Variants in SLC16A9 observed in about 807,000 individuals in gnomAD.
SLC16A9 encodes solute carrier family 16 member 9, also known as monocarboxylate transporter 9.
Under a neutral mutation model 44.3 loss-of-function variants are expected in SLC16A9, and 26 were observed. The observed-to-expected ratio is 0.59, with a 90% confidence interval of 0.43 to 0.81. The LOEUF (loss-of-function observed/expected upper bound fraction) is 0.81. SLC16A9 is among the 40% of genes least tolerant of loss of function. The pLI is 0.00. For missense variants in SLC16A9, 559 were observed against 595.8 expected, an observed-to-expected ratio of 0.94 and a Z score of 0.64; for synonymous variants, 230 against 225.1, an observed-to-expected ratio of 1.02 and a Z score of -0.19.
intron 3 of SLC16A9, among the ~76,000 whole-genome samples, chr10:59,672,012 T>C (rs971666178): frequency 6.6e-6 from 1 of 152,168 alleles, no homozygotes; most frequent in African/African-American, 2.4e-5. Flanking sequence ...GGAATATTGG[T>C]AGTCAATAAA....
At chr10:59,677,002 A>G (rs1839874177) in intron 2 of SLC16A9, among the ~76,000 whole-genome samples, 1 of 149,784 alleles carries the variant, frequency 6.7e-6, no homozygotes, top group East Asian at 1.9e-4. Flanking sequence ...TAAATAAGCT[A>G]ATAGTGAGAA....
intron 4 of SLC16A9, among the ~76,000 whole-genome samples, chr10:59,663,652 A>G (rs542679627): frequency 6.6e-6 from 1 of 152,068 alleles, no homozygotes; most frequent in Non-Finnish European, 1.5e-5. Flanking sequence ...AGAAATACCT[A>G]ATGTAGATCA....
intron 4 of SLC16A9, among the ~76,000 whole-genome samples, chr10:59,657,514 G>A (rs995935627): frequency 6.6e-6 from 1 of 152,060 alleles, no homozygotes; most frequent in Non-Finnish European, 1.5e-5. Context: ...CCTTCACCTA[G>A]CTCCCTGTGA....
At chr10:59,694,612 C>T (rs1840328049) in intron 1 of SLC16A9, among the ~76,000 whole-genome samples, 1 of 151,040 alleles carries the variant, frequency 6.6e-6, no homozygotes, top group Non-Finnish European at 1.5e-5. Context: ...ACCAGCCTGG[C>T]CAACATAGTG....
chr10:59,656,406 A>G (rs1414265113), intron 4 of SLC16A9, among the ~76,000 whole-genome samples: 1 of 152,254 alleles, frequency 6.6e-6, no homozygotes, highest in East Asian at 1.9e-4. Context: ...GAACAAATAA[A>G]TAAACAACTT....
chr10:59,657,311 T>A (rs1196330639), intron 4 of SLC16A9, among the ~76,000 whole-genome samples: 1 of 152,204 alleles, frequency 6.6e-6, no homozygotes, highest in Non-Finnish European at 1.5e-5. Context: ...GACCAACCCC[T>A]GTTCACTACA....
At chr10:59,692,648 G>GT (rs1403876233) in intron 1 of SLC16A9, among the ~76,000 whole-genome samples, 4 of 152,112 alleles carry the variant, frequency 2.6e-5, no homozygotes, top group Admixed American at 6.5e-5. Flanking sequence ...TAGGTAACAA[G>GT]TTTTATAAAC....
Position 59,654,135 on chromosome 10 carries a change from A to C in SLC16A9, c.891T>G (p.Thr297=), listed in dbSNP as rs753376348. The C allele has an allele frequency of 6.2e-7, 1 of 1,614,178 alleles. No homozygotes were observed. The highest frequency in any genetic ancestry group is 1.1e-5 in the South Asian group (1 of 91,078). Residue 297 remains threonine, a synonymous_variant, in exon 5 of 6, where the codon ACT becomes ACG. Coordinates refer to ENST00000395348, the MANE Select transcript of SLC16A9 (RefSeq NM_194298.3). ...ATACTTTGTTTTTAAAAAGAGCCAC[A>C]GTTTCACCACAGTAGTTTTTATATA... ...WQLYKNYCGE[T]VALFKNKVFS...
chr10:59,693,378 C>A lies in SLC16A9; in HGVS notation c.-36-9051G>T, dbSNP rs138772323. ...ATGACGTTTCAAGATGTCAGTGTAT[C>A]ATTTCTCTTCTAAAGTCAAAAAAAT... is the stretch of plus-strand genomic sequence containing the variant. On this transcript the variant is annotated intron_variant, in intron 1 of 5. Transcript: ENST00000395348. Among the ~76,000 whole-genome samples the A allele has an allele frequency of 4.3e-3, 649 of 152,238 alleles. 7 individuals are homozygous for A. Among genetic ancestry groups the A allele is most frequent in the African/African-American group, 0.015 (613 of 41,518 alleles).
intron 2 of SLC16A9, among the ~76,000 whole-genome samples, chr10:59,674,576 C>T (rs1203936492): frequency 6.6e-6 from 1 of 152,162 alleles, no homozygotes; most frequent in Non-Finnish European, 1.5e-5. Context: ...TGTCTGTACA[C>T]CCAATGAGAA....
intron 1 of SLC16A9, among the ~76,000 whole-genome samples, chr10:59,703,758 G>C (rs1235488706): frequency 6.7e-6 from 1 of 148,558 alleles, no homozygotes; most frequent in Non-Finnish European, 1.5e-5. Flanking sequence ...TTGCTGTGTC[G>C]CCCAGGCCGG....
intron 2 of SLC16A9, among the ~76,000 whole-genome samples, 185 bp downstream of exon 2, chr10:59,683,911 C>T (rs1401371074): frequency 1.3e-5 from 2 of 152,116 alleles, no homozygotes; most frequent in African/African-American, 4.8e-5. Context: ...GATTTAACAT[C>T]TTAGGGAGTG....
chr10:59,704,324 C>T (rs1032677818), intron 1 of SLC16A9, among the ~76,000 whole-genome samples: 1 of 152,184 alleles, frequency 6.6e-6, no homozygotes, highest in Non-Finnish European at 1.5e-5. Flanking sequence ...ATTTATGATG[C>T]CTGTCTCATC....
At chr10:59,708,015 C>T (rs1840683110) in intron 1 of SLC16A9, among the ~76,000 whole-genome samples, 2 of 152,148 alleles carry the variant, frequency 1.3e-5, no homozygotes, top group African/African-American at 4.8e-5. Context: ...CACTTGCCTA[C>T]ACAAAAAATG....
intron 2 of SLC16A9, among the ~76,000 whole-genome samples, chr10:59,681,741 GA>G (rs1435648881): frequency 3.2e-4 from 1 of 3,116 alleles, no homozygotes; most frequent in Admixed American, 0.012. Flanking sequence ...ATATGTATAT[GA>G]TGTATATGTA....
intron 1 of SLC16A9, among the ~76,000 whole-genome samples, chr10:59,693,042 T>C (rs1376137133): frequency 6.6e-6 from 1 of 152,254 alleles, no homozygotes; most frequent in Non-Finnish European, 1.5e-5. Context: ...GCCTTCTCCA[T>C]ACCACATGTA....
At position 59,654,400 on chromosome 10, in the gene SLC16A9, T is replaced by G; in HGVS notation, c.626A>C (p.Asp209Ala). ...PKKIAPEDLP[D>A]KYSIYNEKGK... Reference sequence around the variant, plus strand: ...TTTTTCATTGTAAATGGAGTATTTATCTGGTAGATCTTCTGGAGCTATTTT... The same window carrying G: ...TTTTTCATTGTAAATGGAGTATTTAGCTGGTAGATCTTCTGGAGCTATTTT... The change falls in exon 5 of 6, where the codon GAT becomes GCT. Residue 209 changes from aspartate (D) to alanine (A), a missense_variant. Asp to Ala is a moderately radical substitution (Grantham distance 126). Transcript: ENST00000395348. The G allele has an allele frequency of 3.1e-6, 5 of 1,613,810 alleles. No homozygotes were observed. The highest frequency in any genetic ancestry group is 3.4e-6 in the Non-Finnish European group (4 of 1,180,032).
intron 4 of SLC16A9, among the ~76,000 whole-genome samples, chr10:59,657,868 G>C (rs1028717059): frequency 1.3e-5 from 2 of 152,040 alleles, no homozygotes; most frequent in African/African-American, 2.4e-5. Context: ...CTTGGCCAAG[G>C]GTATTCTGAA....
chr10:59,675,406 A>T (rs1839836949), intron 2 of SLC16A9, among the ~76,000 whole-genome samples: 1 of 152,240 alleles, frequency 6.6e-6, no homozygotes, highest in Admixed American at 6.5e-5. Flanking sequence ...AGACATGAGC[A>T]GGGCAGGAGA....
Sources: allele counts gnomAD v4.1 joint callset (sites outside exome capture counted in the v4.1 genomes callset), GRCh38; gene constraint gnomAD v4.1.1; transcripts MANE v1.5; gene names NCBI Gene and HGNC (gene_info 2026-07-23, HGNC 2026-07-21).